Variants in PELO observed in about 807,000 individuals in gnomAD.
PELO encodes the protein protein pelota homolog.
A neutral mutation model predicts 25.9 loss-of-function variants in PELO; 19 were observed. The ratio of observed to expected loss-of-function variants is 0.73; its 90% CI spans 0.51 to 1.08. PELO has a LOEUF of 1.08. Ranked by LOEUF, PELO falls within the 50% of genes least tolerant of loss-of-function variation. PELO has a pLI of 0.00. For synonymous variants in PELO, 196 were observed against 192.2 expected (o/e 1.02, Z -0.16); for missense variants, 498 against 491.4 (o/e 1.01, Z -0.13).
At position 52,800,745 on chromosome 5, in the gene PELO, G is replaced by A; in HGVS notation, c.351G>A (p.Trp117Ter). ...AGTTCACCCTGGCCAAGAAGCAGTG[G>A]GATAGTGTGGTACTGGAGCGCATCG... ...NRQFTLAKKQ[W>*]DSVVLERIEQ... The change falls in exon 2 of 3, where the codon TGG becomes TGA. Residue 117 changes from tryptophan (W) to a stop codon, truncating the protein, a stop_gained. Transcript: ENST00000274311. LOFTEE classifies it high-confidence loss of function. 3 of 1,614,228 alleles carry A rather than the reference G, an allele frequency of 1.9e-6. No homozygotes were observed. The highest frequency in any genetic ancestry group is 2.2e-5 in the East Asian group (1 of 44,886).
intron 1 of PELO, among the ~76,000 whole-genome samples, chr5:52,795,149 A>T (rs1350610366): frequency 6.6e-6 from 1 of 151,924 alleles, no homozygotes; most frequent in African/African-American, 2.4e-5. Context: ...ATTAATAACC[A>T]TTAATTTTTG....
intron 1 of PELO, among the ~76,000 whole-genome samples, chr5:52,793,981 C>T (rs1748291109): frequency 6.6e-6 from 1 of 151,778 alleles, no homozygotes; most frequent in African/African-American, 2.4e-5. Flanking sequence ...TCAAAACTTT[C>T]CTATGATTTA....
chr5:52,792,656 C>T (rs1748264689), intron 1 of PELO, among the ~76,000 whole-genome samples: 1 of 152,100 alleles, frequency 6.6e-6, no homozygotes, highest in Non-Finnish European at 1.5e-5. Flanking sequence ...GCTGAATTTC[C>T]ACATCTTAAC....
rs1403952283 is a variant in PELO, at chr5:52,803,089, C to A, written c.*1249C>A. ...GTTTTTAACTGCTGGATCAGCGACG[C>A]CTATTTCAAGTAGTGATACTAACTA... is the stretch of plus-strand genomic sequence containing the variant. On this transcript the variant is annotated 3_prime_UTR_variant, in exon 3 of 3. Coordinates refer to ENST00000274311, the MANE Select transcript of PELO (RefSeq NM_015946.5). 1 of 152,158 alleles carries A rather than the reference C, an allele frequency of 6.6e-6. No individual in the cohort carries two copies. The highest frequency in any genetic ancestry group is 1.5e-5 in the Non-Finnish European group (1 of 68,034). The allele number at this position is 152,158 out of a possible 1,614,324, so 9.4% of individuals were successfully genotyped here.
intron 1 of PELO, among the ~76,000 whole-genome samples, chr5:52,790,588 C>G (rs6887780): frequency 0.078 from 11,904 of 152,162 alleles, 1,536 homozygotes; most frequent in African/African-American, 0.27. Flanking sequence ...TTCAACCGAG[C>G]AGGGTAGAAT....
chr5:52,788,966 A>G (rs555594831), intron 1 of PELO, among the ~76,000 whole-genome samples: 110 of 152,342 alleles, frequency 7.2e-4, no homozygotes, highest in African/African-American at 2.6e-3. Flanking sequence ...AGCACCCAAG[A>G]GGAGGGATAT....
rs1186091762 is a variant in PELO, at chr5:52,788,346, C to T, written c.-579C>T. 1 of 1,504,420 alleles carries T rather than the reference C, an allele frequency of 6.6e-7. No homozygotes were observed. The highest frequency in any genetic ancestry group is 2.7e-5 in the East Asian group (1 of 36,412). The allele number at this position is 1,504,420 out of a possible 1,614,324, so 93.2% of individuals were successfully genotyped here. On this transcript the variant is annotated 5_prime_UTR_variant, in exon 1 of 3. Coordinates refer to ENST00000274311, the MANE Select transcript of PELO (RefSeq NM_015946.5). ...GCGCGGCCCCCTGGCGCTGAGGCTG[C>T]TCCGGCCATGGCCCCTCGGCCCCGC...
Position 52,801,104 on chromosome 5 carries a change from G to T in PELO, c.710G>T (p.Arg237Leu). ...GACAACAAACTGCTCCTGGAAAACCGGTCCAAATTTCTTCAGGTAAAACAA... is the reference window on the plus strand; with the variant it reads ...GACAACAAACTGCTCCTGGAAAACCTGTCCAAATTTCTTCAGGTAAAACAA... ...KTDNKLLLEN[R>L]SKFLQVHASS... The change falls in exon 2 of 3, where the codon CGG (arginine) becomes CTG (leucine). Residue 237 changes from arginine to leucine, a missense_variant. By Grantham distance (102) the Arg-to-Leu change is moderately radical. Transcript: ENST00000274311. 6.2e-7 allele frequency: 1 copy of T among 1,603,106 alleles called. No individual in the cohort carries two copies. Among genetic ancestry groups the T allele is most frequent in the Non-Finnish European group, 8.5e-7 (1 of 1,173,516 alleles).
At chr5:52,798,678 T>G (rs1265082225) in intron 1 of PELO, among the ~76,000 whole-genome samples, 5 of 152,172 alleles carry the variant, frequency 3.3e-5, no homozygotes. Flanking sequence ...TCTGCATTTT[T>G]ACGTAAGATA....
intron 1 of PELO, among the ~76,000 whole-genome samples, chr5:52,790,834 C>G (rs1297932104): frequency 6.6e-6 from 1 of 152,230 alleles, no homozygotes; most frequent in Non-Finnish European, 1.5e-5. Flanking sequence ...TTCTGCCTAC[C>G]ACAACCCATA....
chr5:52,795,134 G>T (rs1241629423), intron 1 of PELO, among the ~76,000 whole-genome samples: 3 of 151,786 alleles, frequency 2.0e-5, no homozygotes, highest in African/African-American at 7.2e-5. Context: ...CTGAATTAAA[G>T]AAAAATTAAT....
intron 1 of PELO, among the ~76,000 whole-genome samples, chr5:52,791,437 T>C (rs1748238336): frequency 6.6e-6 from 1 of 152,120 alleles, no homozygotes; most frequent in South Asian, 2.1e-4. Context: ...GGAATGCAGC[T>C]AGTGACAAAA....
In PELO at chr5:52,800,432, C is replaced by A. The variant is rs554934628; in HGVS notation, c.38C>A (p.Ala13Glu). 6.2e-7 allele frequency: 1 copy of A among 1,613,800 alleles called. No homozygotes were observed. The highest frequency in any genetic ancestry group is 1.3e-5 in the African/African-American group (1 of 74,932). The change falls in exon 2 of 3, where the codon GCG (alanine) becomes GAG (glutamate). Residue 13 changes from alanine (A) to glutamate (E), a missense_variant. Coordinates refer to ENST00000274311, the MANE Select transcript of PELO (RefSeq NM_015946.5). The stretch of plus-strand genomic sequence containing the variant: ...AGGAAGAACATCGAGAAGGACAATG[C>A]GGGCCAGGTGACCCTGGTCCCCGAG... ...LVRKNIEKDN[A>E]GQVTLVPEEP... is the part of the protein sequence containing the mutation.
Position 52,801,060 on chromosome 5 carries a change from T to C in PELO, c.666T>C (p.Phe222=), listed in dbSNP as rs1748469362. Residue 222 remains phenylalanine (F), a synonymous_variant, in exon 2 of 3, where the codon TTT becomes TTC. Coordinates refer to ENST00000274311, the MANE Select transcript of PELO (RefSeq NM_015946.5). ...FVREQFCDYL[F]QQAVKTDNKL... ...GGGAGCAGTTCTGCGACTACCTGTT[T>C]CAACAAGCAGTGAAGACCGACAACA... 1.9e-6 allele frequency: 3 copies of C among 1,613,334 alleles called. No individual in the cohort carries two copies. The East Asian group carries it at 6.7e-5, about 36-fold the overall frequency.
Position 52,800,116 on chromosome 5 carries a change from C to T in PELO, c.-279C>T, listed in dbSNP as rs1046403171. ...CCTTCATTTCGTCAGCCCGCTGTTG[C>T]GTGCTGCCAGCGGGAACTGTGTAGG... On this transcript the variant is annotated 5_prime_UTR_variant, in exon 2 of 3. Coordinates refer to ENST00000274311, the MANE Select transcript of PELO (RefSeq NM_015946.5). 2 of 400,760 alleles carry T rather than the reference C, an allele frequency of 5.0e-6. No homozygotes were observed. Among genetic ancestry groups the T allele is most frequent in the Non-Finnish European group, 9.1e-6 (2 of 220,152 alleles). The allele number at this position is 400,760 out of a possible 1,614,324, so 24.8% of individuals were successfully genotyped here.
intron 1 of PELO, among the ~76,000 whole-genome samples, chr5:52,791,742 C>A (rs1215584006): frequency 1.7e-5 from 1 of 59,310 alleles, no homozygotes; most frequent in Non-Finnish European, 4.0e-5. Context: ...TTTTTCACTC[C>A]CTCAGCTTGT....
At chr5:52,799,029 C>T (rs1748400468) in intron 1 of PELO, among the ~76,000 whole-genome samples, 1 of 152,148 alleles carries the variant, frequency 6.6e-6, no homozygotes, top group South Asian at 2.1e-4. Context: ...AACTCAGATT[C>T]CTTCCTTTCA....
intron 1 of PELO, 22 bp downstream of exon 1, chr5:52,788,436 G>A (rs1401483232): frequency 6.7e-7 from 1 of 1,494,512 alleles, no homozygotes; most frequent in East Asian, 2.8e-5. Flanking sequence ...GCTTTTCTCT[G>A]AGCATCTCCT....
Position 52,800,820 on chromosome 5 carries a change from G to GC in PELO, c.427dup (p.Gln143ProfsTer27). ...GCGCTGATGTGGCGGCTGTGGTCAT[G>GC]CAGGAAGGCCTCGCCCATATCTGCT... On this transcript the variant is annotated frameshift_variant, in exon 2 of 3. Transcript: ENST00000274311. LOFTEE classifies it high-confidence loss of function. The GC allele has an allele frequency of 6.2e-7, 1 of 1,610,850 alleles. No individual in the cohort carries two copies. The highest frequency in any genetic ancestry group is 8.5e-7 in the Non-Finnish European group (1 of 1,177,912).
Sources: gnomAD v4.1 joint callset for allele counts (sites outside exome capture counted in the v4.1 genomes callset) on GRCh38, gnomAD v4.1.1 for gene constraint, MANE v1.5 for transcripts, NCBI Gene and HGNC (gene_info 2026-07-23, HGNC 2026-07-21) for gene names.